The following CDC5L variants were observed in gnomAD, a reference collection of about 807,000 sequenced individuals.
CDC5L encodes the protein cell division cycle 5 like.
Under a neutral mutation model 104.1 loss-of-function variants are expected in CDC5L, and 18 were observed. That is an observed-to-expected ratio of 0.17 (90% CI 0.12 to 0.26). CDC5L has a LOEUF of 0.26. Ranked by LOEUF, CDC5L falls within the 10% of genes least tolerant of loss-of-function variation. The probability of loss-of-function intolerance (pLI) is 1.00; values close to 1 mark genes in which losing one functional copy is unlikely to be tolerated. For missense variants in CDC5L, 673 were observed against 956.9 expected (o/e 0.70, Z 3.91); for synonymous variants, 331 against 322.7 (o/e 1.03, Z -0.28).
intron 14 of CDC5L, among the ~76,000 whole-genome samples, chr6:44,430,328 T>G (rs1402869437): frequency 6.6e-6 from 1 of 151,418 alleles, no homozygotes; most frequent in East Asian, 1.9e-4. Context: ...TTTACAAAAC[T>G]TAAATACAAT....
chr6:44,387,849 G>T lies in CDC5L; in HGVS notation c.26G>T (p.Gly9Val). 1 of 1,567,024 alleles carries T rather than the reference G, an allele frequency of 6.4e-7. No homozygotes were observed. Reference sequence around the variant, plus strand: ...ATGCCTCGAATTATGATCAAGGGGGGCGTATGGAGGAATACCGAGGTAAGT... The same window carrying T: ...ATGCCTCGAATTATGATCAAGGGGGTCGTATGGAGGAATACCGAGGTAAGT... MPRIMIKG[G>V]VWRNTEDEIL... The change falls in exon 1 of 16, where the codon GGC becomes GTC. Residue 9 changes from glycine to valine, a missense_variant. Physicochemically the swap from Gly to Val is moderately radical, Grantham distance 109 (BLOSUM62 -3). Transcript: ENST00000371477.
intron 15 of CDC5L, 52 bp downstream of exon 15, chr6:44,445,919 C>A: frequency 7.3e-7 from 1 of 1,361,688 alleles, no homozygotes; most frequent in South Asian, 1.2e-5. Context: ...AAAGAATTAT[C>A]AGGGCTGTCC....
In CDC5L at chr6:44,409,018, C is replaced by G. The variant is rs532453226; in HGVS notation, c.1092+386C>G. Among the ~76,000 whole-genome samples the G allele has an allele frequency of 2.6e-5, 4 of 152,338 alleles. No individual in the cohort carries two copies. The South Asian group carries it at 8.3e-4, about 32-fold the overall frequency. On this transcript the variant is annotated intron_variant, in intron 8 of 15. Transcript: ENST00000371477. ...CGCAGTTCTACTTTCTTCCCTCTCT[C>G]TAACACGTGGGGTAGACACAGCTTT... is the stretch of plus-strand genomic sequence containing the variant.
In CDC5L at chr6:44,421,910, T is replaced by G. The variant is rs540705111; in HGVS notation, c.1242-737T>G. On this transcript the variant is annotated intron_variant, in intron 9 of 15. Transcript: ENST00000371477. ...TGTATGTCTTGTCTCTCACCTAGAT[T>G]GTAAAATCCTTGGGGGTGGGAACCA... 4.9e-4 allele frequency among the ~76,000 whole-genome samples: 75 copies of G among 152,260 alleles called. 1 individual carries two copies. The South Asian group carries it at 6.8e-3, about 14-fold the overall frequency.
Position 44,422,259 on chromosome 6 carries a change from G to A in CDC5L, c.1242-388G>A, listed in dbSNP as rs148377205. ...GATGTGAGAACCAACAGCTTGATAG[G>A]GAGGGAGGAGACAAATATACACAAA... On this transcript the variant is annotated intron_variant, in intron 9 of 15. Transcript: ENST00000371477. 3.6e-3 allele frequency among the ~76,000 whole-genome samples: 543 copies of A among 152,304 alleles called. 4 individuals carry two copies. The highest frequency in any genetic ancestry group is 6.2e-3 in the Non-Finnish European group (423 of 68,022).
chr6:44,419,031 T>G (rs1792033422), intron 8 of CDC5L, among the ~76,000 whole-genome samples: 2 of 152,156 alleles, frequency 1.3e-5, no homozygotes, highest in Non-Finnish European at 2.9e-5. Context: ...TTTTGTCTTT[T>G]GTTGCCATTG....
At position 44,408,644 on chromosome 6, in the gene CDC5L, CGTA is replaced by C. The variant is rs1561971478; in HGVS notation, c.1092+17_1092+19del. The C allele has an allele frequency of 6.4e-7, 1 of 1,567,208 alleles. No homozygotes were observed. The highest frequency in any genetic ancestry group is 8.7e-7 in the Non-Finnish European group (1 of 1,149,226). Reference sequence around the variant, plus strand: ...ACAGAATTCTGCAGGTAACGTGTCACGTAGTAGAATGAGGCTTTTACTTTGTTT... The same window carrying C: ...ACAGAATTCTGCAGGTAACGTGTCACGTAGAATGAGGCTTTTACTTTGTTT... On this transcript the variant is annotated intron_variant, in intron 8 of 15. Coordinates refer to ENST00000371477, the MANE Select transcript of CDC5L (RefSeq NM_001253.4).
At chr6:44,429,090 C>T (rs1014143881) in intron 13 of CDC5L, among the ~76,000 whole-genome samples, 40 of 150,290 alleles carry the variant, frequency 2.7e-4, no homozygotes, top group African/African-American at 8.6e-4. Context: ...GGCACGATCC[C>T]AGCTCACTGC....
intron 5 of CDC5L, 87 bp from the exon 6 acceptor site, chr6:44,403,722 A>T: frequency 1.1e-6 from 1 of 909,282 alleles, no homozygotes; most frequent in Non-Finnish European, 1.7e-6. Context: ...TCCCCAAATA[A>T]ATAGATACTT....
rs776565612 is a variant in CDC5L at position 44,390,257 on chromosome 6, A to G, written c.46-11A>G. 5.7e-6 allele frequency: 9 copies of G among 1,592,070 alleles called. No individual in the cohort carries two copies. Among genetic ancestry groups the G allele is most frequent in the East Asian group, 2.2e-5 (1 of 44,640 alleles). On this transcript the variant is annotated splice_polypyrimidine_tract_variant and intron_variant, in intron 1 of 15. Transcript: ENST00000371477. Reference sequence around the variant, plus strand: ...TTGTGACTGAATGTACTCTTTGGCAATTTTTTTTAGGATGAAATTCTGAAA... The same window carrying G: ...TTGTGACTGAATGTACTCTTTGGCAGTTTTTTTTAGGATGAAATTCTGAAA...
intron 5 of CDC5L, 111 bp from the exon 6 acceptor site, chr6:44,403,698 A>C: frequency 1.3e-6 from 1 of 746,846 alleles, no homozygotes; most frequent in Admixed American, 3.0e-5. Context: ...GTAAGGATTT[A>C]AATAACTATT....
At chr6:44,414,868 AAG>A (rs1791840736) in intron 8 of CDC5L, among the ~76,000 whole-genome samples, 1 of 152,160 alleles carries the variant, frequency 6.6e-6, no homozygotes, top group African/African-American at 2.4e-5. Context: ...CTGGGTCATG[AAG>A]AGTTATTCCC....
In CDC5L at chr6:44,440,227, T is replaced by C. The variant is rs562525942; in HGVS notation, c.2092-5428T>C. Among the ~76,000 whole-genome samples, 15 of 151,668 alleles carry C rather than the reference T, an allele frequency of 9.9e-5. No individual in the cohort carries two copies. In the East Asian group the frequency reaches 2.3e-3, roughly 24 times the overall value. On this transcript the variant is annotated intron_variant, in intron 14 of 15. Coordinates refer to ENST00000371477, the MANE Select transcript of CDC5L (RefSeq NM_001253.4). ...GTTACTCGCCTGCCTCCACCTCCCA[T>C]GGGCTTGACTTAGACTTTTTTTTTT... is the stretch of plus-strand genomic sequence containing the variant.
intron 1 of CDC5L, among the ~76,000 whole-genome samples, chr6:44,388,675 C>CTTT (rs975766196): frequency 3.1e-4 from 41 of 131,054 alleles, no homozygotes; most frequent in East Asian, 1.6e-3. Context: ...TTTATGGCTT[C>CTTT]TTTTTTTTTT....
chr6:44,395,234 A>G (rs1051670118), intron 4 of CDC5L, among the ~76,000 whole-genome samples: 11 of 152,250 alleles, frequency 7.2e-5, no homozygotes, highest in African/African-American at 2.7e-4. Flanking sequence ...GCAACAGTGT[A>G]TTACATATTT....
intron 9 of CDC5L, among the ~76,000 whole-genome samples, chr6:44,420,581 C>T (rs1177040892): frequency 2.0e-5 from 3 of 152,102 alleles, no homozygotes; most frequent in Non-Finnish European, 2.9e-5. Context: ...TGGTCTCGAA[C>T]TCCTGACCTC....
At chr6:44,393,164 G>GTTTTTTTTT (rs773786751) in intron 3 of CDC5L, among the ~76,000 whole-genome samples, 1 of 107,218 alleles carries the variant, frequency 9.3e-6, no homozygotes, top group Non-Finnish European at 1.9e-5. Flanking sequence ...TTTACTAATA[G>GTTTTTTTTT]TTTTTTTTTT....
At chr6:44,426,395 C>T (rs1792423958) in intron 12 of CDC5L, 87 bp from the exon 13 acceptor site, 4 of 873,152 alleles carry the variant, frequency 4.6e-6, no homozygotes, top group Admixed American at 5.0e-5. Flanking sequence ...AAATGTAAAA[C>T]CGCTGTTTAA....
rs1216747021 is a variant in CDC5L at position 44,445,857 on chromosome 6, G to A, written c.2294G>A (p.Arg765Gln). Residue 765 changes from arginine to glutamine, a missense_variant, in exon 15 of 16, where the codon CGG becomes CAG. By Grantham distance (43) the Arg-to-Gln change is conservative. Around this residue, in one of 4 missense-constraint regions of CDC5L, gnomAD observed 578 missense variants for 737.0 expected, o/e 0.78. Coordinates refer to ENST00000371477, the MANE Select transcript of CDC5L (RefSeq NM_001253.4). ...LKKHEDSAIPRRLECLKEDVQ... is the reference protein window; with the variant it reads ...LKKHEDSAIPQRLECLKEDVQ... The stretch of plus-strand genomic sequence containing the variant: ...AAACATGAAGATTCTGCTATTCCCC[G>A]GAGGCTAGAGGTAACGTTATATATT... 3.1e-6 allele frequency: 5 copies of A among 1,611,520 alleles called. No individual in the cohort carries two copies. The highest frequency in any genetic ancestry group is 2.2e-5 in the East Asian group (1 of 44,878).
Sources: gnomAD v4.1 joint callset for allele counts (sites outside exome capture counted in the v4.1 genomes callset) on GRCh38, gnomAD v4.1.1 for gene constraint, gnomAD v4.1.1 regional missense constraint, MANE v1.5 for transcripts, NCBI Gene and HGNC (gene_info 2026-07-23, HGNC 2026-07-21) for gene names.